Variants in KCNQ3 observed in about 807,000 individuals in gnomAD.
The protein encoded by KCNQ3 is potassium voltage-gated channel subfamily Q member 3, also known as potassium voltage-gated channel subfamily KQT member 3.
KCNQ3 carries 30 observed loss-of-function variants against 92.5 expected under a neutral mutation model. The ratio of observed to expected loss-of-function variants is 0.32; its 90% CI spans 0.24 to 0.44. The LOEUF (loss-of-function observed/expected upper bound fraction) is 0.44. Ranked by LOEUF, KCNQ3 falls within the 20% of genes least tolerant of loss-of-function variation. The pLI is 1.00. For missense variants in KCNQ3, 913 were observed against 1,140.3 expected (o/e 0.80, Z 2.87); for synonymous variants, 450 against 468.8 (o/e 0.96, Z 0.52).
intron 1 of KCNQ3, among the ~76,000 whole-genome samples, chr8:132,400,310 T>C (rs1820300684): frequency 6.6e-6 from 1 of 152,206 alleles, no homozygotes. Flanking sequence ...CATGGCTCAT[T>C]TAACCACGAT....
intron 1 of KCNQ3, among the ~76,000 whole-genome samples, chr8:132,304,192 T>C (rs554400533): frequency 1.3e-5 from 2 of 152,268 alleles, no homozygotes; most frequent in South Asian, 4.1e-4. Context: ...AATCACCTAT[T>C]GGGTACGATG....
intron 1 of KCNQ3, among the ~76,000 whole-genome samples, chr8:132,291,033 A>G (rs1057329420): frequency 1.4e-4 from 21 of 152,214 alleles, no homozygotes; most frequent in Non-Finnish European, 2.4e-4. Flanking sequence ...GGTATCAAGT[A>G]CAATTGCGAC....
At position 132,415,656 on chromosome 8, in the gene KCNQ3, C is replaced by G. The variant is rs150427768; in HGVS notation, c.386+64491G>C. Among the ~76,000 whole-genome samples, 15 of 152,218 alleles carry G rather than the reference C, an allele frequency of 9.9e-5. No homozygotes were observed. In the East Asian group the frequency reaches 2.9e-3, roughly 29 times the overall value. On this transcript the variant is annotated intron_variant, in intron 1 of 14. Coordinates refer to ENST00000388996, the MANE Select transcript of KCNQ3 (RefSeq NM_004519.4). ...TCAAGAGCAGCCCCAGGCTCTGGTG[C>G]TGTACATGGTATGGACAGTTCTTTT...
chr8:132,262,003 T>C (rs556779173), intron 1 of KCNQ3, among the ~76,000 whole-genome samples: 8 of 152,230 alleles, frequency 5.3e-5, no homozygotes, highest in Middle Eastern at 3.4e-3. Context: ...GGTATGTCCA[T>C]ATGATGAATT....
intron 1 of KCNQ3, among the ~76,000 whole-genome samples, chr8:132,388,659 T>C (rs1433703139): frequency 6.6e-6 from 1 of 152,218 alleles, no homozygotes; most frequent in African/African-American, 2.4e-5. Context: ...TATTAATTTC[T>C]TATTTATTTC....
At chr8:132,159,797 C>T (rs574218142) in intron 9 of KCNQ3, among the ~76,000 whole-genome samples, 13 of 152,262 alleles carry the variant, frequency 8.5e-5, no homozygotes, top group African/African-American at 2.9e-4. Flanking sequence ...GGGTGGAACA[C>T]TATGACACTT....
Position 132,172,677 on chromosome 8 carries a change from C to G in KCNQ3, c.1061G>C (p.Gly354Ala). 1 of 1,613,678 alleles carries G rather than the reference C, an allele frequency of 6.2e-7. No homozygotes were observed. Among genetic ancestry groups the G allele is most frequent in the Non-Finnish European group, 8.5e-7 (1 of 1,180,006 alleles). ...TTGCTCCTGCACCTTGAGGGCCAGC[C>G]CGGACCCCAGGATGCCCTGGAGGGA... is the stretch of plus-strand genomic sequence containing the variant. ...FALPAGILGS[G>A]LALKVQEQHR... The change falls in exon 7 of 15, where the codon GGG becomes GCG. Residue 354 changes from glycine to alanine, a missense_variant. By Grantham distance (60) the Gly-to-Ala change is moderately conservative. Around this residue, in one of 6 missense-constraint regions of KCNQ3, gnomAD observed 52 missense variants for 127.7 expected, o/e 0.41. Coordinates refer to ENST00000388996, the MANE Select transcript of KCNQ3 (RefSeq NM_004519.4).
At chr8:132,285,832 G>A (rs1816664774) in intron 1 of KCNQ3, among the ~76,000 whole-genome samples, 1 of 152,202 alleles carries the variant, frequency 6.6e-6, no homozygotes, top group Admixed American at 6.5e-5. Flanking sequence ...GACCCAGGGT[G>A]TTCCCAACTG....
At chr8:132,193,469 C>A (rs1428535558) in intron 1 of KCNQ3, among the ~76,000 whole-genome samples, 1 of 152,160 alleles carries the variant, frequency 6.6e-6, no homozygotes, top group Non-Finnish European at 1.5e-5. Flanking sequence ...AGGCAGCAGG[C>A]AAGGAAGGCT....
intron 12 of KCNQ3, 89 bp from the exon 13 acceptor site, chr8:132,134,477 T>C: frequency 1.0e-6 from 1 of 976,378 alleles, no homozygotes; most frequent in Non-Finnish European, 1.6e-6. Context: ...TAGAATGAGA[T>C]AAGGGTTTGG....
chr8:132,180,839 A>AAAAAAAAAAAAAAAAAAAAAAAAAC (rs1426971638), intron 3 of KCNQ3, among the ~76,000 whole-genome samples: 2 of 150,280 alleles, frequency 1.3e-5, no homozygotes. Context: ...GAATGTTAAA[A>AAAAAAAAAAAAAAAAAAAAAAAAAC]AAAAAAAAAA....
intron 9 of KCNQ3, among the ~76,000 whole-genome samples, chr8:132,159,340 A>C (rs758395468): frequency 2.0e-5 from 3 of 152,170 alleles, no homozygotes; most frequent in African/African-American, 2.4e-5. Context: ...TCAAGAACTG[A>C]GTATCCCACT....
At chr8:132,423,144 C>A (rs940225399) in intron 1 of KCNQ3, among the ~76,000 whole-genome samples, 15 of 152,192 alleles carry the variant, frequency 9.9e-5, no homozygotes, top group Non-Finnish European at 1.8e-4. Context: ...CCCACCACCA[C>A]CCCTCTGCCA....
intron 1 of KCNQ3, among the ~76,000 whole-genome samples, chr8:132,214,556 C>T (rs1813965677): frequency 6.6e-6 from 1 of 152,210 alleles, no homozygotes; most frequent in Admixed American, 6.5e-5. Flanking sequence ...CCTCCCCTCC[C>T]CTCTCCCCTC....
intron 1 of KCNQ3, among the ~76,000 whole-genome samples, chr8:132,342,811 TATAGTC>T (rs1208422550): frequency 1.2e-4 from 19 of 152,392 alleles, no homozygotes; most frequent in South Asian, 4.1e-4. Flanking sequence ...CTGAAGTATG[TATAGTC>T]ATAAACATCT....
At chr8:132,418,138 T>C (rs1820870719) in intron 1 of KCNQ3, among the ~76,000 whole-genome samples, 1 of 152,166 alleles carries the variant, frequency 6.6e-6, no homozygotes. Flanking sequence ...GGTTTTTTTC[T>C]GAGTAAGAAC....
At chr8:132,326,722 T>A (rs1031109486) in intron 1 of KCNQ3, among the ~76,000 whole-genome samples, 4 of 152,188 alleles carry the variant, frequency 2.6e-5, no homozygotes, top group South Asian at 4.1e-4. Flanking sequence ...TAAGCCTTCA[T>A]AAAGCACCAA....
At chr8:132,416,370 G>A (rs765807281) in intron 1 of KCNQ3, among the ~76,000 whole-genome samples, 1 of 152,154 alleles carries the variant, frequency 6.6e-6, no homozygotes, top group East Asian at 1.9e-4. Flanking sequence ...GCTCATACCT[G>A]TAATCCTAGC....
chr8:132,440,570 C>T (rs553715495), intron 1 of KCNQ3, among the ~76,000 whole-genome samples: 166 of 152,292 alleles, frequency 1.1e-3, no homozygotes, highest in Non-Finnish European at 1.9e-3. Context: ...TTCTCCATGT[C>T]GGTCGTGGGA....
Sources: gnomAD v4.1 joint callset for allele counts (sites outside exome capture counted in the v4.1 genomes callset) on GRCh38, gnomAD v4.1.1 for gene constraint, gnomAD v4.1.1 regional missense constraint, MANE v1.5 for transcripts, NCBI Gene and HGNC (gene_info 2026-07-23, HGNC 2026-07-21) for gene names.